The following OPA1 variants were observed in gnomAD, a reference collection of about 807,000 sequenced individuals.
OPA1 encodes the protein dynamin-like GTPase OPA1, mitochondrial.
OPA1 carries 59 observed loss-of-function variants against 152.9 expected under a neutral mutation model. The observed-to-expected ratio is 0.39, with a 90% CI of 0.31 to 0.48. The LOEUF (loss-of-function observed/expected upper bound fraction) is 0.48. Ranked by LOEUF, OPA1 falls within the 20% of genes least tolerant of loss-of-function variation. The pLI, the probability that OPA1 is intolerant of heterozygous loss-of-function variation, is 0.96. For missense variants in OPA1, 1,008 were observed against 1,216.8 expected, an observed-to-expected ratio of 0.83 and a Z score of 2.55; for synonymous variants, 400 against 389.9, an observed-to-expected ratio of 1.03 and a Z score of -0.31.
intron 1 of OPA1, 105 bp downstream of exon 1, chr3:193,593,514 C>A: frequency 8.7e-7 from 1 of 1,145,516 alleles, no homozygotes; most frequent in Non-Finnish European, 1.2e-6. Context: ...CAGGCCAGGC[C>A]GACGGCAGTT....
chr3:193,678,848 A>G (rs901750273), intron 29 of OPA1, among the ~76,000 whole-genome samples: 1 of 152,214 alleles, frequency 6.6e-6, no homozygotes, highest in African/African-American at 2.4e-5. Context: ...TCTCATCTTA[A>G]AACTAATGGG....
In OPA1 at chr3:193,642,783, C is replaced by T. The variant is rs1057524630; in HGVS notation, c.1168C>T (p.Pro390Ser). ...CTATCAGGTGACTCTGAGTGAAGGTCCTCACCATGTGGCCCTATTTAAAGA... is the reference window on the plus strand; with the variant it reads ...CTATCAGGTGACTCTGAGTGAAGGTTCTCACCATGTGGCCCTATTTAAAGA... ...SPVKVTLSEG[P>S]HHVALFKDSS... Residue 390 changes from proline (P) to serine (S), a missense_variant, in exon 12 of 31, where the codon CCT becomes TCT. This residue lies in a region of OPA1 where 213 missense variants were observed against 291.4 expected (regional missense o/e 0.73). Coordinates refer to ENST00000361510, the MANE Select transcript of OPA1 (RefSeq NM_130837.3). 7 of 1,612,770 alleles carry T rather than the reference C, an allele frequency of 4.3e-6. No homozygotes were observed. In the Admixed American group the frequency reaches 6.7e-5, roughly 15 times the overall value.
chr3:193,618,567 G>A (rs938620488), intron 5 of OPA1: 2 of 350,652 alleles, frequency 5.7e-6, no homozygotes, highest in Non-Finnish European at 1.1e-5. Context: ...TGAACTGTAA[G>A]TACTCTCATG....
intron 30 of OPA1, among the ~76,000 whole-genome samples, chr3:193,693,208 T>C (rs548113507): frequency 1.3e-5 from 2 of 152,288 alleles, no homozygotes; most frequent in East Asian, 1.9e-4. Context: ...GAAAATGTAT[T>C]TGAGAAAGCA....
intron 29 of OPA1, among the ~76,000 whole-genome samples, chr3:193,675,595 G>C (rs186800261): frequency 8.1e-4 from 123 of 152,086 alleles, no homozygotes; most frequent in African/African-American, 2.8e-3. Flanking sequence ...TATCCCACCT[G>C]CTTATTTACC....
At chr3:193,643,894 C>CA in intron 15 of OPA1, 81 bp from the exon 16 acceptor site, 1 of 1,391,580 alleles carries the variant, frequency 7.2e-7, no homozygotes, top group East Asian at 2.3e-5. Context: ...AATGTAGACA[C>CA]AGGGGTATAA....
At chr3:193,618,731 A>T in intron 5 of OPA1, 138 bp from the exon 6 acceptor site, 6 of 729,596 alleles carry the variant, frequency 8.2e-6, no homozygotes, top group South Asian at 7.7e-5. Context: ...TAAAATAAGA[A>T]TAAAGGCGAT....
intron 29 of OPA1, among the ~76,000 whole-genome samples, chr3:193,671,100 C>T (rs943583709): frequency 1.3e-4 from 19 of 151,832 alleles, no homozygotes; most frequent in African/African-American, 4.6e-4. Flanking sequence ...AACCATGATG[C>T]AAAAAGGGAT....
rs1283308299 is a variant in OPA1, at chr3:193,596,311, C to CTTTTCT, written c.32+2905_32+2906insTCTTTT. The stretch of plus-strand genomic sequence containing the variant: ...CCATCGCAACTTTTCTTTTCTTTTC[C>CTTTTCT]TTTCCTTTCCTTTCCTTTCCTTTCC... On this transcript the variant is annotated intron_variant, in intron 1 of 30. Coordinates refer to ENST00000361510, the MANE Select transcript of OPA1 (RefSeq NM_130837.3). Among the ~76,000 whole-genome samples, 428 of 97,596 alleles carry CTTTTCT rather than the reference C, an allele frequency of 4.4e-3. 2 individuals carry two copies. The highest frequency in any genetic ancestry group is 8.5e-3 in the South Asian group (23 of 2,716). 64.0% of individuals were successfully genotyped at this position (97,596 alleles called of 152,430 possible). A position where few individuals can be genotyped will look rare whatever the true frequency, so the allele number is the denominator to read the frequency against.
At chr3:193,598,801 A>G (rs1355696185) in intron 1 of OPA1, among the ~76,000 whole-genome samples, 1 of 152,196 alleles carries the variant, frequency 6.6e-6, no homozygotes, top group Admixed American at 6.5e-5. Context: ...GAAAATTCAT[A>G]ATTTGCCCTA....
intron 26 of OPA1, among the ~76,000 whole-genome samples, chr3:193,664,277 T>C (rs148424297): frequency 2.4e-4 from 36 of 152,194 alleles, no homozygotes; most frequent in Admixed American, 3.9e-4. Context: ...CCTTTAATAA[T>C]TGATACCACT....
Position 193,647,146 on chromosome 3 carries a change from A to C in OPA1, c.1836A>C (p.Arg612=). 1 of 1,613,426 alleles carries C rather than the reference A, an allele frequency of 6.2e-7. No homozygotes were observed. The highest frequency in any genetic ancestry group is 1.1e-5 in the South Asian group (1 of 91,040). ...CAGACTGCTTTTGGAAAATGGTACG[A>C]GAGTCTGTTGAACAACAGGCTGATA... The part of the protein sequence containing the change: ...AVSDCFWKMV[R]ESVEQQADSF... The change falls in exon 19 of 31, where the codon CGA becomes CGC. Residue 612 remains arginine (R), a synonymous_variant. Transcript: ENST00000361510.
chr3:193,593,572 G>T (rs139239510), intron 1 of OPA1, among the ~76,000 whole-genome samples, 163 bp downstream of exon 1: 7 of 152,236 alleles, frequency 4.6e-5, no homozygotes, highest in African/African-American at 1.7e-4. Flanking sequence ...AGGAGCCCTG[G>T]CTGGGCTTAC....
chr3:193,645,917 A>AT, intron 18 of OPA1, 117 bp downstream of exon 18: 1 of 865,668 alleles, frequency 1.2e-6, no homozygotes, highest in Non-Finnish European at 1.8e-6. Context: ...GATTTCTAGA[A>AT]TTTTTCCCAA....
intron 1 of OPA1, among the ~76,000 whole-genome samples, chr3:193,593,924 A>T (rs1279294830): frequency 6.6e-6 from 1 of 152,018 alleles, no homozygotes; most frequent in African/African-American, 2.4e-5. Context: ...TAGCCCGCTG[A>T]TAGAAGTCAG....
intron 24 of OPA1, among the ~76,000 whole-genome samples, chr3:193,659,226 T>C (rs996158994): frequency 6.6e-6 from 1 of 152,244 alleles, no homozygotes; most frequent in Non-Finnish European, 1.5e-5. Flanking sequence ...AAAGCTATAA[T>C]GCAGAATATT....
At chr3:193,654,748 T>C (rs1468763077) in intron 21 of OPA1, 114 bp from the exon 22 acceptor site, 1 of 1,128,230 alleles carries the variant, frequency 8.9e-7, no homozygotes, top group Non-Finnish European at 1.3e-6. Flanking sequence ...TGTGAAAACT[T>C]ATCAAAATTT....
chr3:193,662,581 A>C (rs1459513039), intron 25 of OPA1, among the ~76,000 whole-genome samples: 1 of 152,212 alleles, frequency 6.6e-6, no homozygotes, highest in African/African-American at 2.4e-5. Flanking sequence ...ATACATAACA[A>C]GTAGGGCTAA....
intron 29 of OPA1, among the ~76,000 whole-genome samples, chr3:193,688,658 C>T (rs1333150544): frequency 6.6e-6 from 1 of 151,764 alleles, no homozygotes; most frequent in Admixed American, 6.6e-5. Flanking sequence ...TTTGCTTCGT[C>T]ACTATGAGCT....
Sources: allele counts gnomAD v4.1 joint callset (sites outside exome capture counted in the v4.1 genomes callset), GRCh38; gene constraint gnomAD v4.1.1; regional missense constraint gnomAD v4.1.1; transcripts MANE v1.5; gene names NCBI Gene and HGNC (gene_info 2026-07-23, HGNC 2026-07-21).